The following ZNRF3 variants were observed in gnomAD, a reference collection of about 807,000 sequenced individuals.
The protein encoded by ZNRF3 is zinc and ring finger 3.
Under a neutral mutation model 72.5 loss-of-function variants are expected in ZNRF3, and 23 were observed. The ratio of observed to expected loss-of-function variants is 0.32; its 90% CI spans 0.23 to 0.45. ZNRF3 has a LOEUF of 0.45. ZNRF3 is among the 20% of genes least tolerant of loss of function. The probability of loss-of-function intolerance (pLI) is 1.00; values close to 1 mark genes in which losing one functional copy is unlikely to be tolerated. For synonymous variants in ZNRF3, 610 were observed against 545.3 expected (o/e 1.12, Z -1.65); for missense variants, 1,169 against 1,272.1 (o/e 0.92, Z 1.23).
intron 1 of ZNRF3, among the ~76,000 whole-genome samples, chr22:28,900,859 G>T (rs1193334211): frequency 6.6e-6 from 1 of 152,116 alleles, no homozygotes; most frequent in Non-Finnish European, 1.5e-5. Flanking sequence ...TATAATACCA[G>T]CTTTAGGAGG....
intron 1 of ZNRF3, among the ~76,000 whole-genome samples, chr22:28,966,186 G>T (rs530722333): frequency 6.6e-6 from 1 of 152,314 alleles, no homozygotes; most frequent in South Asian, 2.1e-4. Context: ...TCAGGTCCTT[G>T]TCTAACGAAA....
At position 28,883,625 on chromosome 22, in the gene ZNRF3, G is replaced by T; in HGVS notation, c.-142G>T. 1.2e-6 allele frequency: 1 copy of T among 834,092 alleles called. No homozygotes were observed. Among genetic ancestry groups the T allele is most frequent in the Non-Finnish European group, 1.4e-6 (1 of 691,466 alleles). The allele number at this position is 834,092 out of a possible 1,614,324, so 51.7% of individuals were successfully genotyped here. A position where few individuals can be genotyped will look rare whatever the true frequency, so the allele number is the denominator to read the frequency against. ...GGGCCGCGGCGCGACGGCCGGGGGA[G>T]CCGAGCTGAGCCTGCGACCCACAAA... is the stretch of plus-strand genomic sequence containing the variant. On this transcript the variant is annotated 5_prime_UTR_variant, in exon 1 of 9. Transcript: ENST00000544604. The surrounding 1 kb of genome is among the most constrained non-coding windows in gnomAD (Gnocchi z 5.5).
chr22:28,918,704 G>C (rs2034457562), intron 1 of ZNRF3, among the ~76,000 whole-genome samples: 1 of 152,130 alleles, frequency 6.6e-6, no homozygotes, highest in Non-Finnish European at 1.5e-5. Context: ...GAGTCAGGGT[G>C]GTATCCTGGG....
At chr22:28,915,708 G>A (rs1047323734) in intron 1 of ZNRF3, among the ~76,000 whole-genome samples, 17 of 152,218 alleles carry the variant, frequency 1.1e-4, no homozygotes, top group Non-Finnish European at 1.9e-4. Flanking sequence ...TCATTCTAAT[G>A]TCTGCCCAAG....
chr22:28,929,116 C>T (rs551521851), intron 1 of ZNRF3, among the ~76,000 whole-genome samples: 65 of 152,322 alleles, frequency 4.3e-4, no homozygotes, highest in African/African-American at 1.5e-3. Context: ...AAATTGTGGT[C>T]TTTGAAAGTT....
intron 1 of ZNRF3, among the ~76,000 whole-genome samples, chr22:28,960,710 G>C (rs2035342943): frequency 6.6e-6 from 1 of 152,182 alleles, no homozygotes; most frequent in African/African-American, 2.4e-5. Flanking sequence ...GTCGTTTCCA[G>C]TTCCGAGTGG....
chr22:29,015,308 C>T (rs567178230), intron 2 of ZNRF3, among the ~76,000 whole-genome samples: 1 of 152,294 alleles, frequency 6.6e-6, no homozygotes, highest in African/African-American at 2.4e-5. Flanking sequence ...TGTTTTAACG[C>T]TTATTGTAGC....
chr22:28,957,497 T>C (rs1269028138), intron 1 of ZNRF3, among the ~76,000 whole-genome samples: 7 of 152,142 alleles, frequency 4.6e-5, no homozygotes, highest in Non-Finnish European at 7.3e-5. Flanking sequence ...TGGAGTGCAA[T>C]GGCATGATCT....
intron 1 of ZNRF3, among the ~76,000 whole-genome samples, chr22:28,903,816 C>G (rs1203689903): frequency 1.3e-5 from 2 of 152,152 alleles, no homozygotes; most frequent in African/African-American, 2.4e-5. Flanking sequence ...TAACTGGGAA[C>G]TTGTCCTGGA....
In ZNRF3 at chr22:28,883,814, C is replaced by CCGCCGCCTG; in HGVS notation, c.56_64dup (p.Leu19_Arg21dup). ...GCCCAGGGGCCACGGGCCGCCGCCGCCGCCGCCTGCGCCGCCGCCCCCGCG... is the reference window on the plus strand; with the variant it reads ...GCCCAGGGGCCACGGGCCGCCGCCGCCGCCGCCTGCGCCGCCTGCGCCGCCGCCCCCGCG... On this transcript the variant is annotated inframe_insertion, in exon 1 of 9. Transcript: ENST00000544604. The surrounding 1 kb of genome is among the most constrained non-coding windows in gnomAD (Gnocchi z 5.5). 1.0e-5 allele frequency: 10 copies of CCGCCGCCTG among 979,518 alleles called. No individual in the cohort carries two copies. The highest frequency in any genetic ancestry group is 1.2e-5 in the Non-Finnish European group (10 of 827,478). The allele number at this position is 979,518 out of a possible 1,614,324, so 60.7% of individuals were successfully genotyped here. A position where few individuals can be genotyped will look rare whatever the true frequency, so the allele number is the denominator to read the frequency against.
chr22:28,916,162 A>G (rs1281163183), intron 1 of ZNRF3, among the ~76,000 whole-genome samples: 1 of 152,172 alleles, frequency 6.6e-6, no homozygotes, highest in African/African-American at 2.4e-5. Context: ...CCTGGGCTCA[A>G]GCAATTCTTC....
intron 1 of ZNRF3, among the ~76,000 whole-genome samples, chr22:28,905,742 T>C (rs1393155080): frequency 6.6e-6 from 1 of 152,192 alleles, no homozygotes; most frequent in Non-Finnish European, 1.5e-5. Context: ...TGGAAGCCTT[T>C]TAGTGCTGAA....
At chr22:28,892,095 C>A (rs2033897918) in intron 1 of ZNRF3, among the ~76,000 whole-genome samples, 1 of 152,192 alleles carries the variant, frequency 6.6e-6, no homozygotes, top group African/African-American at 2.4e-5. Flanking sequence ...AGGTCACGTC[C>A]CATGTTTGTG....
At chr22:28,940,432 TC>T (rs2034919730) in intron 1 of ZNRF3, among the ~76,000 whole-genome samples, 1 of 151,868 alleles carries the variant, frequency 6.6e-6, no homozygotes, top group Non-Finnish European at 1.5e-5. Flanking sequence ...GAAAATCTAC[TC>T]TCCTAGATTT....
chr22:28,980,128 C>A (rs780808397), intron 1 of ZNRF3, among the ~76,000 whole-genome samples: 7 of 151,712 alleles, frequency 4.6e-5, no homozygotes, highest in Non-Finnish European at 1.0e-4. Context: ...AAGACAGATG[C>A]TACAGTCTCC....
intron 1 of ZNRF3, among the ~76,000 whole-genome samples, chr22:28,885,529 T>A (rs535101045): frequency 1.3e-5 from 2 of 151,438 alleles, no homozygotes; most frequent in African/African-American, 2.4e-5. Flanking sequence ...CAACTTCTTG[T>A]CTTTCTTTGA....
intron 2 of ZNRF3, among the ~76,000 whole-genome samples, chr22:29,006,471 G>A (rs939466074): frequency 1.3e-5 from 2 of 152,034 alleles, no homozygotes; most frequent in African/African-American, 2.4e-5. Flanking sequence ...CTCGTCCTCC[G>A]AAAGTGCTGG....
At chr22:28,906,544 T>C (rs1279311425) in intron 1 of ZNRF3, among the ~76,000 whole-genome samples, 1 of 152,166 alleles carries the variant, frequency 6.6e-6, no homozygotes, top group African/African-American at 2.4e-5. Context: ...ATCTATAACA[T>C]GGGACAGATA....
At chr22:29,008,171 A>G (rs2036291908) in intron 2 of ZNRF3, among the ~76,000 whole-genome samples, 1 of 152,206 alleles carries the variant, frequency 6.6e-6, no homozygotes, top group Non-Finnish European at 1.5e-5. Context: ...GTGTTCAAAA[A>G]TGTCATCATC....
Sources: gnomAD v4.1 joint callset for allele counts (sites outside exome capture counted in the v4.1 genomes callset) on GRCh38, gnomAD v4.1.1 for gene constraint, Gnocchi (gnomAD v3.1) non-coding constraint, MANE v1.5 for transcripts, NCBI Gene and HGNC (gene_info 2026-07-23, HGNC 2026-07-21) for gene names.